The following JAK1 variants were observed in gnomAD, a reference collection of about 807,000 sequenced individuals.
JAK1 encodes the protein tyrosine-protein kinase JAK1.
Under a neutral mutation model 136.6 loss-of-function variants are expected in JAK1, and 16 were observed. That is an observed-to-expected ratio of 0.12 (90% CI 0.08 to 0.18). JAK1 has a LOEUF of 0.18. JAK1 is among the 10% of genes least tolerant of loss of function. The pLI is 1.00. For synonymous variants in JAK1, 492 were observed against 519.5 expected (o/e 0.95, Z 0.72); for missense variants, 859 against 1,450.1 (o/e 0.59, Z 6.62).
At chr1:64,857,140 A>G (rs1655990256) in intron 10 of JAK1, among the ~76,000 whole-genome samples, 1 of 152,174 alleles carries the variant, frequency 6.6e-6, no homozygotes, top group African/African-American at 2.4e-5. Flanking sequence ...ACTAAAAGAC[A>G]TCTCTATTCA....
chr1:65,035,387 T>C (rs989841808), intron 2 of JAK1, among the ~76,000 whole-genome samples: 38 of 152,274 alleles, frequency 2.5e-4, no homozygotes, highest in African/African-American at 8.4e-4. Flanking sequence ...TATAAGCAAG[T>C]GAGTATAAAG....
At chr1:64,990,679 T>C in intron 2 of JAK1, 1 of 152,050 alleles carries the variant, frequency 6.6e-6, no homozygotes, top group East Asian at 1.9e-4. Context: ...CCCAGCACTT[T>C]GGCAGGCAGA....
At chr1:64,842,705 C>G (rs1020748289) in intron 17 of JAK1, among the ~76,000 whole-genome samples, 1 of 152,184 alleles carries the variant, frequency 6.6e-6, no homozygotes, top group Non-Finnish European at 1.5e-5. Context: ...TCAATAAATA[C>G]TGACTGATGA....
chr1:65,033,033 C>T (rs1018072417), intron 2 of JAK1, among the ~76,000 whole-genome samples: 2 of 152,346 alleles, frequency 1.3e-5, no homozygotes, highest in Admixed American at 6.5e-5. Context: ...GGCTGGGAAA[C>T]CTACCCTTTA....
At chr1:64,906,301 G>GAA (rs1255228061) in intron 1 of JAK1, among the ~76,000 whole-genome samples, 3 of 108,626 alleles carry the variant, frequency 2.8e-5, no homozygotes, top group Non-Finnish European at 4.0e-5. Flanking sequence ...TCTCAAAAAA[G>GAA]AAAAAAAAAA....
chr1:64,975,952 A>T (rs1465843455), intron 2 of JAK1, among the ~76,000 whole-genome samples: 1 of 152,154 alleles, frequency 6.6e-6, no homozygotes, highest in Admixed American at 6.5e-5. Flanking sequence ...TTTGTAATAC[A>T]ATGGGACCTT....
At chr1:64,879,469 ACC>A (rs900747097) in intron 3 of JAK1, among the ~76,000 whole-genome samples, 10 of 152,142 alleles carry the variant, frequency 6.6e-5, no homozygotes, top group African/African-American at 2.4e-4. Context: ...CTTCAAAAAA[ACC>A]CCTATCTGAG....
intron 2 of JAK1, among the ~76,000 whole-genome samples, chr1:65,007,715 G>A (rs553611547): frequency 2.7e-4 from 41 of 150,756 alleles, no homozygotes; most frequent in South Asian, 1.0e-3. Context: ...CGCCCACCTC[G>A]GCCTCCTAAA....
chr1:64,982,460 G>T (rs1001596268), intron 2 of JAK1, among the ~76,000 whole-genome samples: 1 of 152,142 alleles, frequency 6.6e-6, no homozygotes, highest in Non-Finnish European at 1.5e-5. Context: ...AACTACCATT[G>T]CCCCTCAAAC....
chr1:65,020,225 CAAAAAAAAAAAA>C (rs375362876), intron 2 of JAK1, among the ~76,000 whole-genome samples: 2 of 50,766 alleles, frequency 3.9e-5, no homozygotes. Flanking sequence ...AACTCCGTCT[CAAAAAAAAAAAA>C]AAAAAAAAAA....
At chr1:65,022,788 T>G (rs1255003071) in intron 2 of JAK1, among the ~76,000 whole-genome samples, 1 of 152,208 alleles carries the variant, frequency 6.6e-6, no homozygotes, top group African/African-American at 2.4e-5. Context: ...TGGGAAAAAT[T>G]AATATAGCAT....
At chr1:64,853,284 G>A (rs929309013) in intron 11 of JAK1, among the ~76,000 whole-genome samples, 1 of 152,204 alleles carries the variant, frequency 6.6e-6, no homozygotes, top group Non-Finnish European at 1.5e-5. Context: ...CCAAGGTCAG[G>A]AGAATTGGTG....
chr1:65,053,333 A>G (rs991718177), intron 1 of JAK1, among the ~76,000 whole-genome samples: 7 of 152,202 alleles, frequency 4.6e-5, no homozygotes, highest in African/African-American at 1.7e-4. Flanking sequence ...CGACAGAGCA[A>G]GACTCCGCCT....
At chr1:65,029,493 A>G (rs746578570) in intron 2 of JAK1, among the ~76,000 whole-genome samples, 9 of 152,232 alleles carry the variant, frequency 5.9e-5, no homozygotes, top group Non-Finnish European at 1.2e-4. Context: ...AAATCGTTCT[A>G]TCATAAAGAT....
At chr1:64,996,090 T>C (rs1646701634) in intron 2 of JAK1, among the ~76,000 whole-genome samples, 1 of 152,194 alleles carries the variant, frequency 6.6e-6, no homozygotes, top group African/African-American at 2.4e-5. Context: ...TCATTGAAGA[T>C]ACTCTTTAGA....
intron 12 of JAK1, among the ~76,000 whole-genome samples, chr1:64,849,824 G>A (rs543612647): frequency 6.6e-6 from 1 of 152,312 alleles, no homozygotes; most frequent in African/African-American, 2.4e-5. Flanking sequence ...CTGTGGCTCT[G>A]GTGACTGTAA....
At chr1:64,896,302 T>C (rs982708063) in intron 1 of JAK1, among the ~76,000 whole-genome samples, 21 of 152,224 alleles carry the variant, frequency 1.4e-4, no homozygotes, top group African/African-American at 4.8e-4. Context: ...GGCATCCATT[T>C]CAAAGTATCA....
At chr1:65,020,563 A>C (rs899948999) in intron 2 of JAK1, among the ~76,000 whole-genome samples, 1 of 152,236 alleles carries the variant, frequency 6.6e-6, no homozygotes, top group Admixed American at 6.5e-5. Context: ...TTCAAACTGC[A>C]CATATATGCT....
At chr1:65,016,484 T>C (rs1234912962) in intron 2 of JAK1, among the ~76,000 whole-genome samples, 1 of 152,120 alleles carries the variant, frequency 6.6e-6, no homozygotes, top group African/African-American at 2.4e-5. Context: ...TAGCTGAGCA[T>C]GATGGCATGC....
Sources: gnomAD v4.1 joint callset for allele counts (sites outside exome capture counted in the v4.1 genomes callset) on GRCh38, gnomAD v4.1.1 for gene constraint, MANE v1.5 for transcripts, NCBI Gene and HGNC (gene_info 2026-07-23, HGNC 2026-07-21) for gene names.